The following KCNJ5 variants were observed in gnomAD, a reference collection of about 807,000 sequenced individuals.
The protein encoded by KCNJ5 is potassium inwardly rectifying channel subfamily J member 5.
In KCNJ5, 12 loss-of-function variants were observed where a neutral mutation model predicts 20.2. The observed-to-expected ratio is 0.59, with a 90% CI of 0.38 to 0.96. KCNJ5 has a LOEUF of 0.96. Among genes scored for constraint, KCNJ5 ranks in the 40% least tolerant of loss-of-function variants. The probability of loss-of-function intolerance (pLI) is 0.00; values close to 1 mark genes in which losing one functional copy is unlikely to be tolerated. For missense variants in KCNJ5, 449 were observed against 557.6 expected (o/e 0.81, Z 1.96); for synonymous variants, 210 against 213.9 (o/e 0.98, Z 0.16).
intron 1 of KCNJ5, chr11:128,902,805 A>G: frequency 7.1e-7 from 1 of 1,412,446 alleles, no homozygotes; most frequent in Non-Finnish European, 9.6e-7. Context: ...AACGCAGCCC[A>G]ACATGTCCAT....
intron 1 of KCNJ5, chr11:128,902,734 G>T (rs752248767): frequency 2.5e-6 from 4 of 1,581,448 alleles, no homozygotes; most frequent in Non-Finnish European, 3.4e-6. Context: ...AAACAGGGAG[G>T]CTGTGAGAGG....
At chr11:128,915,983 TGATTGGA>T (rs1944572353) in intron 2 of KCNJ5, among the ~76,000 whole-genome samples, 9 of 34,144 alleles carry the variant, frequency 2.6e-4, no homozygotes, top group East Asian at 2.6e-3. Flanking sequence ...GATGGATGGA[TGATTGGA>T]TGGATGGATG....
At position 128,916,702 on chromosome 11, in the gene KCNJ5, G is replaced by T; in HGVS notation, c.1231G>T (p.Gly411Trp). The T allele has an allele frequency of 6.2e-7, 1 of 1,608,310 alleles. No homozygotes were observed. Among genetic ancestry groups the T allele is most frequent in the Non-Finnish European group, 8.5e-7 (1 of 1,177,836 alleles). ...NEEDEPKGLGGSREARGSV is the reference protein window; with the variant it reads ...NEEDEPKGLGWSREARGSV ...AGAAGATGAGCCCAAGGGGCTGGGT[G>T]GGTCCAGGGAGGCCAGGGGCTCGGT... The change falls in exon 3 of 3, where the codon GGG (glycine) becomes TGG (tryptophan). Residue 411 changes from glycine to tryptophan, a missense_variant. By Grantham distance (184) the Gly-to-Trp change is radical. Coordinates refer to ENST00000529694, the MANE Select transcript of KCNJ5 (RefSeq NM_000890.5).
rs17295137 is a variant in KCNJ5, at chr11:128,918,904, G to A, written c.*2173G>A. 0.014 allele frequency: 2,080 copies of A among 152,612 alleles called. 30 individuals are homozygous for A. The highest frequency in any genetic ancestry group is 0.022 in the Admixed American group (334 of 15,306). The allele number at this position is 152,612 out of a possible 1,614,324, so 9.5% of individuals were successfully genotyped here. On this transcript the variant is annotated 3_prime_UTR_variant, in exon 3 of 3. Coordinates refer to ENST00000529694, the MANE Select transcript of KCNJ5 (RefSeq NM_000890.5). ...GGGAATGGGGAATGGGCTGGCACCC[G>A]GCTCAGGGAAAGCAGAAGCAGACAG...
At chr11:128,903,657 C>T (rs1458679041) in intron 1 of KCNJ5, 3 of 853,072 alleles carry the variant, frequency 3.5e-6, no homozygotes, top group Non-Finnish European at 5.5e-6. Context: ...GCCAGAATGA[C>T]AGGTGTTACC....
intron 1 of KCNJ5, chr11:128,899,583 T>G (rs923317311): frequency 6.6e-6 from 1 of 152,244 alleles, no homozygotes; most frequent in Admixed American, 6.5e-5. Context: ...CATTTTGATT[T>G]AATTATTAAT....
At chr11:128,892,717 G>A (rs112115275) in intron 1 of KCNJ5, among the ~76,000 whole-genome samples, 2,543 of 152,254 alleles carry the variant, frequency 0.017, 77 homozygotes, top group African/African-American at 0.056. Flanking sequence ...TCCAAAATGT[G>A]CCTCGTTTTC....
Position 128,916,815 on chromosome 11 carries a change from G to A in KCNJ5, c.*84G>A, listed in dbSNP as rs1009036870. ...AGCCTGGGAGCAGGGGAGGGGAATA[G>A]TTGAGTGTGCTGTTTGGGGGCTCAG... On this transcript the variant is annotated 3_prime_UTR_variant, in exon 3 of 3. Transcript: ENST00000529694. 7.3e-6 allele frequency: 8 copies of A among 1,089,780 alleles called. No homozygotes were observed. The highest frequency in any genetic ancestry group is 2.6e-6 in the Non-Finnish European group (2 of 761,348). 67.5% of individuals were successfully genotyped at this position (1,089,780 alleles called of 1,614,324 possible). A position where few individuals can be genotyped will look rare whatever the true frequency, so the allele number is the denominator to read the frequency against.
chr11:128,911,696 G>A lies in KCNJ5; in HGVS notation c.423G>A (p.Leu141=), dbSNP rs1276688525. ...ENLSGFVSAF[L]FSIETETTIG... is the part of the protein sequence containing the mutation. The stretch of plus-strand genomic sequence containing the variant: ...TCAGTGGCTTCGTGTCCGCTTTCCT[G>A]TTCTCCATTGAGACCGAAACAACCA... Residue 141 remains leucine (L), a synonymous_variant, in exon 2 of 3, where the codon CTG becomes CTA. Transcript: ENST00000529694. The surrounding 1 kb of genome is among the most constrained non-coding windows in gnomAD (Gnocchi z 6.3). 6.2e-7 allele frequency: 1 copy of A among 1,614,162 alleles called. No individual in the cohort carries two copies.
Position 128,911,519 on chromosome 11 carries a change from G to T in KCNJ5, c.246G>T (p.Val82=). The T allele has an allele frequency of 6.2e-7, 1 of 1,614,246 alleles. No individual in the cohort carries two copies. The highest frequency in any genetic ancestry group is 8.5e-7 in the Non-Finnish European group (1 of 1,180,042). Residue 82 remains valine (V), a synonymous_variant, in exon 2 of 3, where the codon GTG becomes GTT. Transcript: ENST00000529694. This position sits in a 1 kb window ranked among gnomAD's most constrained non-coding sequence, Gnocchi z 6.3. The part of the protein sequence containing the change: ...RYLSDLFTTL[V]DLKWRFNLLV... ...TGAGTGACCTCTTCACCACCCTGGTGGACCTCAAGTGGCGCTTCAACTTGC... is the reference window on the plus strand; with the variant it reads ...TGAGTGACCTCTTCACCACCCTGGTTGACCTCAAGTGGCGCTTCAACTTGC...
At chr11:128,910,186 T>A (rs2135997542) in intron 1 of KCNJ5, among the ~76,000 whole-genome samples, 1 of 152,352 alleles carries the variant, frequency 6.6e-6, no homozygotes, top group Non-Finnish European at 1.5e-5. Context: ...CTTTCCCAAC[T>A]GAATGAGAGT....
intron 2 of KCNJ5, among the ~76,000 whole-genome samples, chr11:128,913,354 T>G (rs1473862145): frequency 6.6e-6 from 1 of 152,204 alleles, no homozygotes; most frequent in East Asian, 1.9e-4. Context: ...GTGGCCAGCA[T>G]GGCACCTCCC....
At chr11:128,901,903 T>G (rs1944288907) in intron 1 of KCNJ5, 1 of 154,578 alleles carries the variant, frequency 6.5e-6, no homozygotes. Context: ...CACGGACAGC[T>G]CCGCGGGGAT....
In KCNJ5 at chr11:128,911,725, GGTATGGCTTCCGAGTCATC is replaced by G. The variant is rs1208633865; in HGVS notation, c.453_471del (p.Tyr152GlnfsTer95). ...TCCATTGAGACCGAAACAACCATTG[GGTATGGCTTCCGAGTCATC>G]ACAGAGAAGTGTCCAGAGGGGATTA... On this transcript the variant is annotated frameshift_variant, in exon 2 of 3. Transcript: ENST00000529694. LOFTEE classifies it high-confidence loss of function. This position sits in a 1 kb window ranked among gnomAD's most constrained non-coding sequence, Gnocchi z 6.3. 6.2e-7 allele frequency: 1 copy of G among 1,614,028 alleles called. No homozygotes were observed. Among genetic ancestry groups the G allele is most frequent in the Non-Finnish European group, 8.5e-7 (1 of 1,180,040 alleles).
chr11:128,894,119 G>A (rs975646196), intron 1 of KCNJ5, among the ~76,000 whole-genome samples: 1 of 151,966 alleles, frequency 6.6e-6, no homozygotes, highest in African/African-American at 2.4e-5. Flanking sequence ...GCCTGCGGTG[G>A]GCGAAGCCAC....
intron 1 of KCNJ5, among the ~76,000 whole-genome samples, chr11:128,909,413 G>T (rs939054752): frequency 6.6e-6 from 1 of 152,238 alleles, no homozygotes; most frequent in African/African-American, 2.4e-5. Flanking sequence ...AAATCACCAA[G>T]TTCCAAAGCA....
In KCNJ5 at chr11:128,911,696, G is replaced by C. The variant is rs1276688525; in HGVS notation, c.423G>C (p.Leu141=). ...TCAGTGGCTTCGTGTCCGCTTTCCT[G>C]TTCTCCATTGAGACCGAAACAACCA... ...ENLSGFVSAF[L]FSIETETTIG... The change falls in exon 2 of 3, where the codon CTG becomes CTC. Residue 141 remains leucine, a synonymous_variant. Transcript: ENST00000529694. This position sits in a 1 kb window ranked among gnomAD's most constrained non-coding sequence, Gnocchi z 6.3. The C allele has an allele frequency of 5.6e-6, 9 of 1,614,044 alleles. No individual in the cohort carries two copies. The highest frequency in any genetic ancestry group is 1.1e-5 in the South Asian group (1 of 91,078).
At chr11:128,903,653 A>G in intron 1 of KCNJ5, 2 of 885,542 alleles carry the variant, frequency 2.3e-6, no homozygotes, top group African/African-American at 3.3e-5. Flanking sequence ...TGATGCCAGA[A>G]TGACAGGTGT....
chr11:128,899,339 A>G (rs1278564794), intron 1 of KCNJ5, among the ~76,000 whole-genome samples: 2 of 152,242 alleles, frequency 1.3e-5, no homozygotes, highest in Non-Finnish European at 2.9e-5. Flanking sequence ...GGTGACGATA[A>G]TTACTGGGAT....
Sources: allele counts gnomAD v4.1 joint callset (sites outside exome capture counted in the v4.1 genomes callset), GRCh38; gene constraint gnomAD v4.1.1; non-coding constraint Gnocchi (gnomAD v3.1); transcripts MANE v1.5; gene names NCBI Gene and HGNC (gene_info 2026-07-23, HGNC 2026-07-21).